Variants in AGBL4 observed in about 807,000 individuals in gnomAD.
AGBL4 encodes the protein cytosolic carboxypeptidase 6.
Under a neutral mutation model 66.4 loss-of-function variants are expected in AGBL4, and 58 were observed. That is an observed-to-expected ratio of 0.87 (90% confidence interval 0.71 to 1.09). AGBL4 has a LOEUF of 1.09. Among genes scored for constraint, AGBL4 ranks in the 50% least tolerant of loss-of-function variants. AGBL4 has a pLI of 0.00. For synonymous variants in AGBL4, 234 were observed against 222.9 expected (o/e 1.05, Z -0.44); for missense variants, 579 against 631.0 (o/e 0.92, Z 0.88).
intron 4 of AGBL4, among the ~76,000 whole-genome samples, chr1:49,231,537 G>C (rs1650310148): frequency 1.3e-5 from 2 of 152,322 alleles, no homozygotes; most frequent in South Asian, 4.1e-4. Flanking sequence ...GTCTCAGCAA[G>C]ACTCTTTCTT....
intron 3 of AGBL4, among the ~76,000 whole-genome samples, chr1:49,378,789 T>C (rs1163538481): frequency 6.6e-6 from 1 of 152,100 alleles, no homozygotes; most frequent in Non-Finnish European, 1.5e-5. Context: ...TGAGCACAAG[T>C]TGCCTGTTAG....
At chr1:49,911,384 G>A (rs375461613) in intron 1 of AGBL4, among the ~76,000 whole-genome samples, 3 of 152,170 alleles carry the variant, frequency 2.0e-5, no homozygotes, top group African/African-American at 7.2e-5. Context: ...TGGAATAAAC[G>A]GCAGGCAAGT....
rs115098838 is a variant in AGBL4, at chr1:49,453,342, C to G, written c.283-207478G>C. Among the ~76,000 whole-genome samples the G allele has an allele frequency of 6.1e-3, 924 of 151,912 alleles. 10 individuals are homozygous for G. The highest frequency in any genetic ancestry group is 0.021 in the African/African-American group (860 of 41,496). On this transcript the variant is annotated intron_variant, in intron 3 of 13. Coordinates refer to ENST00000371839, the MANE Select transcript of AGBL4 (RefSeq NM_032785.4). ...GCCACAAATATCCTCTATAATGACT[C>G]TTTCACAGACAGCAGATGTACCCCA... is the stretch of plus-strand genomic sequence containing the variant.
intron 8 of AGBL4, chr1:48,647,733 G>A (rs550316496): frequency 5.3e-5 from 18 of 340,312 alleles, no homozygotes; most frequent in South Asian, 3.6e-4. Context: ...ATAGGTGGGC[G>A]TGGGGGCTTT....
At chr1:49,351,676 ACT>A (rs1643910991) in intron 3 of AGBL4, among the ~76,000 whole-genome samples, 1 of 152,016 alleles carries the variant, frequency 6.6e-6, no homozygotes, top group South Asian at 2.1e-4. Context: ...ATTTTTTGTT[ACT>A]CTCTATAATT....
rs181745900 is a variant in AGBL4, at chr1:49,092,916, A to T, written c.378-47116T>A. On this transcript the variant is annotated intron_variant, in intron 4 of 13. Coordinates refer to ENST00000371839, the MANE Select transcript of AGBL4 (RefSeq NM_032785.4). ...ACTCTTCAGAGGACAGTGGTAAAGGAGGCCTTTTGTGAAGATGACCTTTAG... is the reference window on the plus strand; with the variant it reads ...ACTCTTCAGAGGACAGTGGTAAAGGTGGCCTTTTGTGAAGATGACCTTTAG... 2.0e-5 allele frequency among the ~76,000 whole-genome samples: 3 copies of T among 152,248 alleles called. No homozygotes were observed. The East Asian group carries it at 5.8e-4, about 29-fold the overall frequency.
chr1:48,951,924 C>A (rs753425278), intron 5 of AGBL4, among the ~76,000 whole-genome samples: 1 of 152,150 alleles, frequency 6.6e-6, no homozygotes, highest in African/African-American at 2.4e-5. Context: ...ATTATTTTCT[C>A]TATTTTAAAG....
chr1:48,722,201 A>T (rs1367653272), intron 6 of AGBL4, among the ~76,000 whole-genome samples: 1 of 152,114 alleles, frequency 6.6e-6, no homozygotes, highest in Non-Finnish European at 1.5e-5. Context: ...ACAACTTGTA[A>T]AGAAGATCTC....
intron 4 of AGBL4, among the ~76,000 whole-genome samples, chr1:49,221,283 G>A (rs968360398): frequency 6.6e-6 from 1 of 152,070 alleles, no homozygotes. Context: ...CTAACTCCCT[G>A]AGATTATAGG....
intron 5 of AGBL4, among the ~76,000 whole-genome samples, chr1:48,934,702 C>T (rs1052387005): frequency 6.6e-6 from 1 of 152,194 alleles, no homozygotes; most frequent in Non-Finnish European, 1.5e-5. Flanking sequence ...TTACCCTCAT[C>T]CCTACAACCA....
At chr1:49,819,180 C>G (rs1161176817) in intron 2 of AGBL4, among the ~76,000 whole-genome samples, 6 of 152,120 alleles carry the variant, frequency 3.9e-5, no homozygotes, top group Non-Finnish European at 8.8e-5. Flanking sequence ...TAGAATTTCA[C>G]CTTTTGACCC....
In AGBL4 at chr1:49,577,995, A is replaced by T. The variant is rs111793299; in HGVS notation, c.282+119318T>A. On this transcript the variant is annotated intron_variant, in intron 3 of 13. Coordinates refer to ENST00000371839, the MANE Select transcript of AGBL4 (RefSeq NM_032785.4). ...TCACCATCACCCCAGTGATCCACTA[A>T]CAAAATGTTTGCTTTCTGTTCCCGT... Among the ~76,000 whole-genome samples the T allele has an allele frequency of 3.8e-3, 584 of 152,302 alleles. 3 individuals carry two copies. The highest frequency in any genetic ancestry group is 6.3e-3 in the Non-Finnish European group (427 of 68,024).
intron 3 of AGBL4, among the ~76,000 whole-genome samples, chr1:49,631,584 A>G (rs1645570174): frequency 6.6e-6 from 1 of 152,158 alleles, no homozygotes; most frequent in Admixed American, 6.6e-5. Flanking sequence ...TGTGCCAGGA[A>G]ATATTTGTGT....
At chr1:49,553,343 A>G (rs1348215199) in intron 3 of AGBL4, among the ~76,000 whole-genome samples, 1 of 152,180 alleles carries the variant, frequency 6.6e-6, no homozygotes, top group Middle Eastern at 3.2e-3. Flanking sequence ...GAAACATCCT[A>G]AACTCACAGG....
At chr1:49,111,408 G>A (rs1287112939) in intron 4 of AGBL4, among the ~76,000 whole-genome samples, 1 of 152,212 alleles carries the variant, frequency 6.6e-6, no homozygotes, top group African/African-American at 2.4e-5. Context: ...CACCGCACCT[G>A]GCCCAATTCC....
intron 4 of AGBL4, among the ~76,000 whole-genome samples, chr1:49,100,553 T>C (rs1231538078): frequency 1.3e-5 from 2 of 152,130 alleles, no homozygotes; most frequent in African/African-American, 4.8e-5. Context: ...TAAGACTGGA[T>C]AGCTAGTGGA....
chr1:48,612,895 A>T (rs1645260699), intron 9 of AGBL4, among the ~76,000 whole-genome samples: 1 of 152,214 alleles, frequency 6.6e-6, no homozygotes, highest in African/African-American at 2.4e-5. Flanking sequence ...GCACTTTGGG[A>T]GGCCAAGGCG....
rs77805489 is a variant in AGBL4, at chr1:48,737,689, A to G, written c.635-74448T>C. Among the ~76,000 whole-genome samples the G allele has an allele frequency of 2.0e-3, 306 of 152,348 alleles. 8 individuals carry two copies. The East Asian group carries it at 0.031, about 16-fold the overall frequency. On this transcript the variant is annotated intron_variant, in intron 6 of 13. Coordinates refer to ENST00000371839, the MANE Select transcript of AGBL4 (RefSeq NM_032785.4). ...CAGAATGTTCCAGCAATAAGCTATA[A>G]GATTTTAATTTGTTCTCCTTTCTGC... is the stretch of plus-strand genomic sequence containing the variant.
intron 2 of AGBL4, among the ~76,000 whole-genome samples, chr1:49,706,739 A>G (rs887014784): frequency 6.6e-6 from 1 of 152,148 alleles, no homozygotes; most frequent in African/African-American, 2.4e-5. Context: ...AGATGCTGGT[A>G]CGTTGTCTCT....
Sources: allele counts gnomAD v4.1 joint callset (sites outside exome capture counted in the v4.1 genomes callset), GRCh38; gene constraint gnomAD v4.1.1; transcripts MANE v1.5; gene names NCBI Gene and HGNC (gene_info 2026-07-23, HGNC 2026-07-21).